The following CTNNBL1 variants were observed in gnomAD, a reference collection of about 807,000 sequenced individuals.
CTNNBL1 encodes beta-catenin-like protein 1.
In CTNNBL1, 31 loss-of-function variants were observed where a neutral mutation model predicts 72.7. That is an observed-to-expected ratio of 0.43 (90% CI 0.32 to 0.58). CTNNBL1 has a LOEUF of 0.58. Among genes scored for constraint, CTNNBL1 ranks in the 20% least tolerant of loss-of-function variants. The probability of loss-of-function intolerance (pLI) is 0.08; values close to 1 mark genes in which losing one functional copy is unlikely to be tolerated. For synonymous variants in CTNNBL1, 240 were observed against 267.3 expected (o/e 0.90, Z 1.00); for missense variants, 534 against 725.1 (o/e 0.74, Z 3.03).
At chr20:37,830,711 C>T (rs1237766967) in intron 11 of CTNNBL1, among the ~76,000 whole-genome samples, 1 of 152,190 alleles carries the variant, frequency 6.6e-6, no homozygotes, top group Non-Finnish European at 1.5e-5. Flanking sequence ...ATTTAACATA[C>T]CTAACCTACC....
chr20:37,714,386 G>T (rs771237176), intron 1 of CTNNBL1, among the ~76,000 whole-genome samples: 6 of 152,202 alleles, frequency 3.9e-5, no homozygotes, highest in Non-Finnish European at 8.8e-5. Flanking sequence ...TTGAGGCTTA[G>T]CACCTCCCCA....
chr20:37,798,891 G>T (rs6020998), intron 10 of CTNNBL1, among the ~76,000 whole-genome samples: 78,717 of 151,936 alleles, frequency 0.52, 22,119 homozygotes, highest in African/African-American at 0.75. Context: ...ATATCTCAAT[G>T]TCCTAAATTT....
intron 1 of CTNNBL1, among the ~76,000 whole-genome samples, chr20:37,727,608 CTT>C (rs2073095961): frequency 6.6e-6 from 1 of 152,228 alleles, no homozygotes; most frequent in East Asian, 1.9e-4. Flanking sequence ...AGAGAAATGA[CTT>C]TATTAAGAAC....
chr20:37,769,445 A>T (rs2073503393), intron 7 of CTNNBL1, among the ~76,000 whole-genome samples: 1 of 152,122 alleles, frequency 6.6e-6, no homozygotes, highest in African/African-American at 2.4e-5. Context: ...TTAATTTGTA[A>T]TTTTAACATC....
intron 1 of CTNNBL1, among the ~76,000 whole-genome samples, chr20:37,720,394 T>C (rs1185562966): frequency 6.6e-6 from 1 of 152,160 alleles, no homozygotes; most frequent in Non-Finnish European, 1.5e-5. Flanking sequence ...CCTAGGCTAT[T>C]GCAATCCTCT....
At chr20:37,803,814 AT>A (rs1015499320) in intron 11 of CTNNBL1, among the ~76,000 whole-genome samples, 1 of 151,294 alleles carries the variant, frequency 6.6e-6, no homozygotes, top group Admixed American at 6.6e-5. Flanking sequence ...TGACTGGCTC[AT>A]TTGGCTGTTT....
At chr20:37,842,036 A>T (rs569226209) in intron 12 of CTNNBL1, among the ~76,000 whole-genome samples, 3 of 152,270 alleles carry the variant, frequency 2.0e-5, no homozygotes, top group Non-Finnish European at 4.4e-5. Flanking sequence ...ATTTTTATCT[A>T]TTTATTTGTT....
intron 1 of CTNNBL1, among the ~76,000 whole-genome samples, chr20:37,701,744 A>G (rs2072845079): frequency 6.6e-6 from 1 of 152,166 alleles, no homozygotes. Flanking sequence ...GCAATGGGTA[A>G]AAAGCAGGGA....
At chr20:37,783,249 A>T (rs2073641793) in intron 10 of CTNNBL1, among the ~76,000 whole-genome samples, 1 of 150,854 alleles carries the variant, frequency 6.6e-6, no homozygotes, top group Non-Finnish European at 1.5e-5. Flanking sequence ...TATTTATTTG[A>T]TCCTCTCTCT....
intron 1 of CTNNBL1, among the ~76,000 whole-genome samples, chr20:37,708,194 T>A (rs1402416479): frequency 6.6e-6 from 1 of 152,146 alleles, no homozygotes; most frequent in East Asian, 1.9e-4. Flanking sequence ...ACTTTCTTTT[T>A]TTTTTTTTTG....
chr20:37,853,723 G>A (rs113911599), intron 13 of CTNNBL1, among the ~76,000 whole-genome samples: 71 of 152,344 alleles, frequency 4.7e-4, no homozygotes, highest in Non-Finnish European at 9.3e-4. Context: ...AACTTGAGAA[G>A]ATAGAGGACT....
chr20:37,747,120 G>A (rs894072760), intron 4 of CTNNBL1, among the ~76,000 whole-genome samples: 7 of 152,180 alleles, frequency 4.6e-5, no homozygotes, highest in African/African-American at 1.7e-4. Flanking sequence ...GCTTGTGCCT[G>A]TAATCCCAAG....
At chr20:37,836,406 A>G (rs1028915198) in intron 11 of CTNNBL1, among the ~76,000 whole-genome samples, 1 of 152,174 alleles carries the variant, frequency 6.6e-6, no homozygotes, top group African/African-American at 2.4e-5. Context: ...CCACATGGAC[A>G]TGGCAGTCCA....
At chr20:37,716,742 G>A (rs564673268) in intron 1 of CTNNBL1, among the ~76,000 whole-genome samples, 28 of 152,286 alleles carry the variant, frequency 1.8e-4, no homozygotes, top group African/African-American at 6.7e-4. Flanking sequence ...GTGCTGGAAA[G>A]TATGTTATAT....
chr20:37,844,765 AG>A (rs2072333236), intron 13 of CTNNBL1, among the ~76,000 whole-genome samples: 1 of 152,042 alleles, frequency 6.6e-6, no homozygotes, highest in African/African-American at 2.4e-5. Flanking sequence ...TGGCCGACAA[AG>A]CAAAACCCCC....
chr20:37,738,339 C>T (rs1203792903), intron 3 of CTNNBL1, among the ~76,000 whole-genome samples: 4 of 152,216 alleles, frequency 2.6e-5, no homozygotes, highest in African/African-American at 9.6e-5. Flanking sequence ...AAGTGTTTAG[C>T]TTAGTACCTG....
chr20:37,786,925 A>C lies in CTNNBL1; in HGVS notation c.1031+7590A>C, dbSNP rs542445771. On this transcript the variant is annotated intron_variant, in intron 10 of 15. Coordinates refer to ENST00000361383, the MANE Select transcript of CTNNBL1 (RefSeq NM_030877.5). The stretch of plus-strand genomic sequence containing the variant: ...TTTGTTTGTGGCCTTATACTTGGGT[A>C]GTTTTTATAAATATTCCGTGAACAT... Among the ~76,000 whole-genome samples the C allele has an allele frequency of 7.7e-4, 117 of 152,282 alleles. No individual in the cohort carries two copies. In the Middle Eastern group the frequency reaches 0.01, roughly 13 times the overall value.
At chr20:37,741,804 A>G (rs889769802) in intron 3 of CTNNBL1, among the ~76,000 whole-genome samples, 1 of 152,084 alleles carries the variant, frequency 6.6e-6, no homozygotes, top group Admixed American at 6.5e-5. Flanking sequence ...ATAACACTGG[A>G]CCCAGTATAT....
intron 15 of CTNNBL1, among the ~76,000 whole-genome samples, chr20:37,871,238 G>A (rs563352150): frequency 3.3e-5 from 5 of 152,228 alleles, no homozygotes; most frequent in South Asian, 4.2e-4. Context: ...GCTGCTGCTC[G>A]GGTCCACACT....
Sources: allele counts gnomAD v4.1 joint callset (sites outside exome capture counted in the v4.1 genomes callset), GRCh38; gene constraint gnomAD v4.1.1; transcripts MANE v1.5; gene names NCBI Gene and HGNC (gene_info 2026-07-23, HGNC 2026-07-21).